Variants in PLS1 observed in about 807,000 individuals in gnomAD.
PLS1 encodes plastin 1.
PLS1 carries 32 observed loss-of-function variants against 73.7 expected under a neutral mutation model. The observed-to-expected ratio is 0.43, with a 90% CI of 0.33 to 0.58. The LOEUF is 0.58. Ranked by LOEUF, PLS1 falls within the 20% of genes least tolerant of loss-of-function variation. The probability of loss-of-function intolerance (pLI) is 0.04; values close to 1 mark genes in which losing one functional copy is unlikely to be tolerated. For synonymous variants in PLS1, 217 were observed against 261.3 expected (o/e 0.83, Z 1.63); for missense variants, 633 against 740.5 (o/e 0.85, Z 1.68).
chr3:142,646,815 T>A (rs933453016), intron 1 of PLS1, among the ~76,000 whole-genome samples: 10 of 152,270 alleles, frequency 6.6e-5, no homozygotes, highest in African/African-American at 2.4e-4. Flanking sequence ...CAGGTTTGTT[T>A]GTTGCTTATA....
At chr3:142,600,914 A>ATT (rs1560024568) in intron 1 of PLS1, among the ~76,000 whole-genome samples, 5 of 19,026 alleles carry the variant, frequency 2.6e-4, no homozygotes, top group African/African-American at 1.1e-3. Context: ...ATATATATAT[A>ATT]TATTTTTTTT....
chr3:142,664,099 A>T, intron 1 of PLS1, 103 bp from the exon 2 acceptor site: 2 of 478,912 alleles, frequency 4.2e-6, no homozygotes, highest in Non-Finnish European at 3.8e-6. Context: ...GCCAGATCTC[A>T]TAGATAATTC....
chr3:142,609,910 G>A (rs1211712683), intron 1 of PLS1, among the ~76,000 whole-genome samples: 1 of 152,062 alleles, frequency 6.6e-6, no homozygotes, highest in Admixed American at 6.6e-5. Context: ...GCTCTTTCGC[G>A]CAGGCTGGAG....
At chr3:142,655,891 A>C (rs1279175426) in intron 1 of PLS1, among the ~76,000 whole-genome samples, 1 of 152,180 alleles carries the variant, frequency 6.6e-6, no homozygotes, top group Non-Finnish European at 1.5e-5. Flanking sequence ...TATGTGTTTG[A>C]AAATAAAATT....
At chr3:142,697,417 C>T (rs561655673) in intron 11 of PLS1, among the ~76,000 whole-genome samples, 65 of 152,230 alleles carry the variant, frequency 4.3e-4, no homozygotes, top group Admixed American at 4.1e-3. Flanking sequence ...AAACATTCCA[C>T]CCTTACTCTC....
At chr3:142,658,391 G>A (rs2037287902) in intron 1 of PLS1, among the ~76,000 whole-genome samples, 1 of 151,366 alleles carries the variant, frequency 6.6e-6, no homozygotes, top group South Asian at 2.1e-4. Flanking sequence ...TAGGAAAATT[G>A]CTTAAACCTG....
At chr3:142,703,308 T>C (rs75077940) in intron 12 of PLS1, among the ~76,000 whole-genome samples, 1 of 149,740 alleles carries the variant, frequency 6.7e-6, no homozygotes, top group African/African-American at 2.5e-5. Context: ...TTTTTTTTTT[T>C]TTTTGAGACG....
intron 14 of PLS1, among the ~76,000 whole-genome samples, chr3:142,706,216 C>G (rs2038459210): frequency 6.6e-6 from 1 of 152,042 alleles, no homozygotes; most frequent in African/African-American, 2.4e-5. Context: ...TCAGAGTGTT[C>G]ACCATTTATT....
chr3:142,600,633 A>G (rs1421076596), intron 1 of PLS1, among the ~76,000 whole-genome samples: 1 of 152,038 alleles, frequency 6.6e-6, no homozygotes, highest in East Asian at 1.9e-4. Context: ...TTTGCAAATC[A>G]TAGCCATTTT....
rs1311654044 is a variant in PLS1, at chr3:142,712,277, C to A, written c.*270C>A. 2 of 271,622 alleles carry A rather than the reference C, an allele frequency of 7.4e-6. No homozygotes were observed. The highest frequency in any genetic ancestry group is 1.4e-5 in the Non-Finnish European group (2 of 144,360). 16.8% of individuals were successfully genotyped at this position (271,622 alleles called of 1,614,324 possible). ...TAAATTATTTTTGTTGCTTAAAAGT[C>A]GTATTAGACAAGACTAAATCATTCT... On this transcript the variant is annotated 3_prime_UTR_variant, in exon 16 of 16. Coordinates refer to ENST00000457734, the MANE Select transcript of PLS1 (RefSeq NM_001145319.2).
Position 142,713,034 on chromosome 3 carries a change from A to C in PLS1, c.*1027A>C, listed in dbSNP as rs1933207566. The C allele has an allele frequency of 6.6e-6, 1 of 152,576 alleles. No individual in the cohort carries two copies. Among genetic ancestry groups the C allele is most frequent in the South Asian group, 2.1e-4 (1 of 4,830 alleles). The allele number at this position is 152,576 out of a possible 1,614,324, so 9.5% of individuals were successfully genotyped here. On this transcript the variant is annotated 3_prime_UTR_variant, in exon 16 of 16. Transcript: ENST00000457734. ...TCTATAGAAGCCCTATATAATTTAG[A>C]ATATGCCCACTGAATATCTTTAATA...
intron 1 of PLS1, chr3:142,657,013 C>T (rs1247723554): frequency 3.9e-5 from 6 of 152,362 alleles, no homozygotes; most frequent in Middle Eastern, 6.8e-3. Flanking sequence ...TCATCCTGCC[C>T]GAATACTGCC....
chr3:142,622,557 C>T lies in PLS1; in HGVS notation c.-37+26048C>T, dbSNP rs184516839. Among the ~76,000 whole-genome samples, 72 of 152,024 alleles carry T rather than the reference C, an allele frequency of 4.7e-4. 1 individual carries two copies. The highest frequency in any genetic ancestry group is 4.1e-3 in the Admixed American group (63 of 15,286). ...TATAAAAGTCCTTAACTTTTTCTTT[C>T]ACTTTATGAAGCAGTTTTATAACAT... On this transcript the variant is annotated intron_variant, in intron 1 of 15. Transcript: ENST00000457734.
At position 142,600,908 on chromosome 3, in the gene PLS1, A is replaced by T. The variant is rs1445890081; in HGVS notation, c.-37+4399A>T. On this transcript the variant is annotated intron_variant, in intron 1 of 15. Transcript: ENST00000457734. Reference sequence around the variant, plus strand: ...TATATATATATATATATATATATATATATATATATTTTTTTTTTTTTTTTT... The same window carrying T: ...TATATATATATATATATATATATATTTATATATATTTTTTTTTTTTTTTTT... Among the ~76,000 whole-genome samples, 21 of 27,524 alleles carry T rather than the reference A, an allele frequency of 7.6e-4. 2 individuals carry two copies. Among genetic ancestry groups the T allele is most frequent in the African/African-American group, 4.6e-3 (18 of 3,882 alleles). 18.1% of individuals were successfully genotyped at this position (27,524 alleles called of 152,430 possible).
At chr3:142,635,558 G>A (rs1352995429) in intron 1 of PLS1, among the ~76,000 whole-genome samples, 4 of 152,064 alleles carry the variant, frequency 2.6e-5, no homozygotes, top group Non-Finnish European at 2.9e-5. Context: ...AGCTGAGTTC[G>A]TGCCACTACA....
intron 1 of PLS1, among the ~76,000 whole-genome samples, chr3:142,605,833 C>T (rs1055414434): frequency 1.3e-5 from 2 of 152,142 alleles, no homozygotes; most frequent in African/African-American, 4.8e-5. Context: ...TCATCTTGAA[C>T]AAAGTAGTTT....
At chr3:142,700,474 C>T (rs1338851282) in intron 12 of PLS1, among the ~76,000 whole-genome samples, 2 of 152,134 alleles carry the variant, frequency 1.3e-5, no homozygotes, top group East Asian at 1.9e-4. Context: ...AGGCGCCCGC[C>T]ACCACGCTCG....
chr3:142,701,946 T>G (rs1462226697), intron 12 of PLS1, among the ~76,000 whole-genome samples: 1 of 152,258 alleles, frequency 6.6e-6, no homozygotes, highest in African/African-American at 2.4e-5. Flanking sequence ...TATTCTATTT[T>G]TTAAAGTCTA....
chr3:142,666,022 C>T (rs757647693), intron 2 of PLS1, among the ~76,000 whole-genome samples: 8 of 152,130 alleles, frequency 5.3e-5, no homozygotes, highest in Non-Finnish European at 1.0e-4. Flanking sequence ...TCTGTGAACT[C>T]AGAAACCTCT....
Sources: allele counts gnomAD v4.1 joint callset (sites outside exome capture counted in the v4.1 genomes callset), GRCh38; gene constraint gnomAD v4.1.1; transcripts MANE v1.5; gene names NCBI Gene and HGNC (gene_info 2026-07-23, HGNC 2026-07-21).